CHCHD3: variants seen among roughly 807,000 people sequenced by gnomAD.
CHCHD3 encodes coiled-coil-helix-coiled-coil-helix domain containing 3, also known as MICOS complex subunit MIC19.
In CHCHD3, 20 loss-of-function variants were observed where a neutral mutation model predicts 38.2. The observed-to-expected ratio is 0.52, with a 90% confidence interval of 0.37 to 0.76. The LOEUF (loss-of-function observed/expected upper bound fraction) is 0.76, where lower values mean the gene tolerates loss of function less well. Among genes scored for constraint, CHCHD3 ranks in the 30% least tolerant of loss-of-function variants. CHCHD3 has a pLI of 0.00. For missense variants in CHCHD3, 245 were observed against 279.2 expected (o/e 0.88, Z 0.87); for synonymous variants, 82 against 100.0 (o/e 0.82, Z 1.07).
At chr7:132,807,299 C>CA (rs1210950821) in intron 6 of CHCHD3, among the ~76,000 whole-genome samples, 1 of 152,126 alleles carries the variant, frequency 6.6e-6, no homozygotes, top group Non-Finnish European at 1.5e-5. Flanking sequence ...CTCTGCCCCC[C>CA]AGGCTGTACT....
At chr7:133,050,536 A>C (rs1814133754) in intron 2 of CHCHD3, among the ~76,000 whole-genome samples, 1 of 151,992 alleles carries the variant, frequency 6.6e-6, no homozygotes, top group Admixed American at 6.6e-5. Flanking sequence ...ATGATTCAGA[A>C]GACTTGGGCT....
chr7:132,923,795 T>C (rs1810313992), intron 4 of CHCHD3, among the ~76,000 whole-genome samples: 1 of 152,182 alleles, frequency 6.6e-6, no homozygotes, highest in Admixed American at 6.5e-5. Context: ...GTCCCTAAAA[T>C]CCTTATGTAA....
At chr7:133,062,096 A>G (rs996162499) in intron 2 of CHCHD3, among the ~76,000 whole-genome samples, 7 of 146,944 alleles carry the variant, frequency 4.8e-5, no homozygotes, top group African/African-American at 7.4e-5. Flanking sequence ...TTACTTTTAA[A>G]TTTTTTTTTT....
chr7:133,006,550 T>C (rs1450813975), intron 3 of CHCHD3, among the ~76,000 whole-genome samples: 1 of 151,950 alleles, frequency 6.6e-6, no homozygotes, highest in East Asian at 1.9e-4. Flanking sequence ...CGAGCAACCA[T>C]GGTCATATGG....
chr7:132,940,068 AG>A (rs146646587), intron 4 of CHCHD3, among the ~76,000 whole-genome samples: 1,597 of 152,312 alleles, frequency 0.01, 12 homozygotes, highest in South Asian at 0.066. Context: ...TAGCAATATT[AG>A]TGCTAATGAG....
intron 6 of CHCHD3, among the ~76,000 whole-genome samples, chr7:132,806,955 G>A (rs534796464): frequency 9.8e-5 from 15 of 152,286 alleles, no homozygotes; most frequent in Non-Finnish European, 1.6e-4. Flanking sequence ...ATAACACTTC[G>A]ATTTCCTAAG....
At chr7:133,047,177 A>G (rs997550529) in intron 2 of CHCHD3, among the ~76,000 whole-genome samples, 10 of 152,202 alleles carry the variant, frequency 6.6e-5, no homozygotes, top group Admixed American at 6.5e-4. Context: ...ATACACAGTC[A>G]ATGGGACTTC....
chr7:133,042,174 C>T (rs2117482763), intron 2 of CHCHD3, among the ~76,000 whole-genome samples: 1 of 152,244 alleles, frequency 6.6e-6, no homozygotes, highest in South Asian at 2.1e-4. Flanking sequence ...AAATGGAGAA[C>T]TATAATCCAC....
At chr7:133,076,240 G>T (rs565980615) in intron 1 of CHCHD3, among the ~76,000 whole-genome samples, 1 of 152,126 alleles carries the variant, frequency 6.6e-6, no homozygotes, top group Non-Finnish European at 1.5e-5. Context: ...GAAATTATTT[G>T]TAGCAAAGAA....
intron 5 of CHCHD3, among the ~76,000 whole-genome samples, chr7:132,864,014 C>A (rs758396683): frequency 6.6e-6 from 1 of 152,212 alleles, no homozygotes; most frequent in Non-Finnish European, 1.5e-5. Context: ...ACTTTCTTAT[C>A]ATTGATGTGT....
intron 1 of CHCHD3, among the ~76,000 whole-genome samples, chr7:133,073,909 C>T (rs969336990): frequency 6.6e-6 from 1 of 152,192 alleles, no homozygotes; most frequent in Non-Finnish European, 1.5e-5. Flanking sequence ...ACGTCCATCT[C>T]CTTGCCTTTA....
At chr7:133,021,332 G>T (rs1813172315) in intron 3 of CHCHD3, among the ~76,000 whole-genome samples, 1 of 152,170 alleles carries the variant, frequency 6.6e-6, no homozygotes, top group African/African-American at 2.4e-5. Context: ...TCAGGGGCAT[G>T]CAAAGAAATT....
At chr7:132,807,107 G>A (rs1255503856) in intron 6 of CHCHD3, among the ~76,000 whole-genome samples, 1 of 152,174 alleles carries the variant, frequency 6.6e-6, no homozygotes, top group Non-Finnish European at 1.5e-5. Flanking sequence ...GTAAGCCCAC[G>A]CATGAGAAAA....
chr7:132,984,899 G>C (rs548702086), intron 3 of CHCHD3, among the ~76,000 whole-genome samples: 2,637 of 96,180 alleles, frequency 0.027, 311 homozygotes, highest in African/African-American at 0.1. Context: ...GGAGGGAGGT[G>C]GGGGGGTCAG....
At chr7:132,790,579 C>T (rs1052753696) in intron 7 of CHCHD3, among the ~76,000 whole-genome samples, 8 of 152,302 alleles carry the variant, frequency 5.3e-5, no homozygotes, top group East Asian at 1.9e-4. Context: ...GAAATACCCA[C>T]GTGTCAGTCA....
intron 4 of CHCHD3, among the ~76,000 whole-genome samples, chr7:132,966,731 G>A (rs1398448628): frequency 1.3e-5 from 2 of 152,222 alleles, no homozygotes; most frequent in East Asian, 3.9e-4. Flanking sequence ...AAGAATATAA[G>A]GAGCTCATCT....
rs138213006 is a variant in CHCHD3 at position 132,955,173 on chromosome 7, G to GGGGTGTGTGTGTGTGT, written c.369+19995_369+19996insACACACACACACACCC. 3.9e-3 allele frequency among the ~76,000 whole-genome samples: 497 copies of GGGGTGTGTGTGTGTGT among 126,276 alleles called. 2 individuals carry two copies. Among genetic ancestry groups the GGGGTGTGTGTGTGTGT allele is most frequent in the African/African-American group, 8.4e-3 (280 of 33,154 alleles). The allele number at this position is 126,276 out of a possible 152,430, so 82.8% of individuals were successfully genotyped here. On this transcript the variant is annotated intron_variant, in intron 4 of 7. Transcript: ENST00000262570. ...AGAAAGGAGGCTTTTTCCCTCAGAG[G>GGGGTGTGTGTGTGTGT]GTGTGTGTGTGTGTGTGTGTGTGTG...
chr7:132,881,875 C>A (rs534835253), intron 5 of CHCHD3, among the ~76,000 whole-genome samples: 1 of 152,114 alleles, frequency 6.6e-6, no homozygotes, highest in Non-Finnish European at 1.5e-5. Flanking sequence ...TTTTGCATTA[C>A]GCCTAGAAAA....
chr7:132,974,502 G>C (rs1419892248), intron 4 of CHCHD3, among the ~76,000 whole-genome samples: 1 of 152,060 alleles, frequency 6.6e-6, no homozygotes, highest in Non-Finnish European at 1.5e-5. Flanking sequence ...ACATCTGGTA[G>C]TTGCCAGCCA....
Sources: allele counts gnomAD v4.1 joint callset (sites outside exome capture counted in the v4.1 genomes callset), GRCh38; gene constraint gnomAD v4.1.1; transcripts MANE v1.5; gene names NCBI Gene and HGNC (gene_info 2026-07-23, HGNC 2026-07-21).